The following NEXMIF variants were observed in gnomAD, a reference collection of about 807,000 sequenced individuals.
NEXMIF encodes neurite extension and migration factor, also known as XLMR protein related to neurite extension.
NEXMIF carries 8 observed loss-of-function variants against 62.1 expected under a neutral mutation model. The ratio of observed to expected loss-of-function variants is 0.13; its 90% CI spans 0.08 to 0.23. The LOEUF is 0.23. Ranked by LOEUF, NEXMIF falls within the 10% of genes least tolerant of loss-of-function variation. The pLI is 1.00. For missense variants in NEXMIF, 976 were observed against 1,113.3 expected, an observed-to-expected ratio of 0.88 and a Z score of 1.75; for synonymous variants, 404 against 416.6, an observed-to-expected ratio of 0.97 and a Z score of 0.37.
rs879176331 is a variant in NEXMIF, at chrX:74,739,511, C to T, written c.4458-13G>A. 4 of 1,128,983 alleles carry T rather than the reference C, an allele frequency of 3.5e-6. No individual in the cohort carries two copies. Among genetic ancestry groups the T allele is most frequent in the Non-Finnish European group, 4.8e-6 (4 of 828,081 alleles). The allele number at this position is 1,128,983 out of a possible 1,213,427, so 93.0% of individuals were successfully genotyped here. ...GTAGTCGGAATCCCTGCAGAAAAAT[C>T]AAACAATTTATGCCATCTGAGTTAG... On this transcript the variant is annotated splice_polypyrimidine_tract_variant and intron_variant, in intron 3 of 3. Coordinates refer to ENST00000055682, the MANE Select transcript of NEXMIF (RefSeq NM_001008537.3).
chrX:74,882,000 C>A (rs936958690), intron 1 of NEXMIF, among the ~76,000 whole-genome samples: 1 of 111,372 alleles, frequency 9.0e-6, no homozygotes, highest in Non-Finnish European at 1.9e-5. Flanking sequence ...ACAAAGTGAC[C>A]CAGTTGGGCC....
chrX:74,811,285 G>A (rs5981699), intron 1 of NEXMIF, among the ~76,000 whole-genome samples: 1,153 of 111,689 alleles, frequency 0.01, 14 homozygotes, highest in African/African-American at 0.036. Flanking sequence ...GGCTTACATT[G>A]TCTACCTTCC....
chrX:74,789,815 T>C (rs1484524240), intron 1 of NEXMIF, among the ~76,000 whole-genome samples: 2 of 108,330 alleles, frequency 1.8e-5, no homozygotes, highest in Non-Finnish European at 1.9e-5. Flanking sequence ...CACTTTTTGA[T>C]GGGGTTGTTT....
intron 1 of NEXMIF, among the ~76,000 whole-genome samples, chrX:74,824,389 T>C (rs986131379): frequency 1.8e-5 from 2 of 111,910 alleles, no homozygotes; most frequent in African/African-American, 6.5e-5. Flanking sequence ...TGTGCCTGGC[T>C]TCTTTCACTT....
At chrX:74,814,290 T>C (rs1415819762) in intron 1 of NEXMIF, among the ~76,000 whole-genome samples, 2 of 111,681 alleles carry the variant, frequency 1.8e-5, no homozygotes, top group African/African-American at 6.5e-5. Flanking sequence ...TAAAGATAAG[T>C]GTATGTTTCT....
chrX:74,896,370 T>C (rs1257567374), intron 1 of NEXMIF, among the ~76,000 whole-genome samples: 1 of 111,073 alleles, frequency 9.0e-6, no homozygotes, highest in African/African-American at 3.3e-5. Context: ...CTCTGGCCAG[T>C]AGGTAATGCC....
At chrX:74,750,049 A>T (rs2080137192) in intron 1 of NEXMIF, among the ~76,000 whole-genome samples, 1 of 111,579 alleles carries the variant, frequency 9.0e-6, no homozygotes, top group African/African-American at 3.3e-5. Context: ...AAGGGTTTTG[A>T]GTAGTGAAGA....
intron 1 of NEXMIF, among the ~76,000 whole-genome samples, chrX:74,839,214 G>A (rs1184190211): frequency 9.0e-6 from 1 of 111,299 alleles, no homozygotes; most frequent in African/African-American, 3.3e-5. Context: ...GGTGGAAAAA[G>A]GGTGGGAATC....
At chrX:74,825,729 A>G (rs1039808346) in intron 1 of NEXMIF, among the ~76,000 whole-genome samples, 2 of 111,556 alleles carry the variant, frequency 1.8e-5, no homozygotes, top group Non-Finnish European at 3.8e-5. Context: ...TAATTTTTGT[A>G]TTTTTAGTAG....
chrX:74,773,436 T>C (rs1271785352), intron 1 of NEXMIF, among the ~76,000 whole-genome samples: 3 of 111,137 alleles, frequency 2.7e-5, no homozygotes, highest in Non-Finnish European at 5.7e-5. Flanking sequence ...ACAAAGCTCA[T>C]GGTCCTGCTA....
chrX:74,773,779 G>A (rs2080218819), intron 1 of NEXMIF, among the ~76,000 whole-genome samples: 2 of 107,226 alleles, frequency 1.9e-5, no homozygotes, highest in Admixed American at 2.0e-4. Context: ...CATAGTGGCG[G>A]GCGCCTGTAA....
At chrX:74,760,324 C>T (rs1045636914) in intron 1 of NEXMIF, among the ~76,000 whole-genome samples, 17 of 111,657 alleles carry the variant, frequency 1.5e-4, no homozygotes, top group African/African-American at 5.5e-4. Context: ...CACAGAATCA[C>T]GTCACTTGCA....
intron 1 of NEXMIF, among the ~76,000 whole-genome samples, chrX:74,804,031 G>A (rs1019932952): frequency 4.5e-5 from 5 of 112,011 alleles, no homozygotes; most frequent in Non-Finnish European, 9.4e-5. Context: ...AACTGTAATT[G>A]TGGTGTGTAA....
In NEXMIF at chrX:74,877,798, C is replaced by T. The variant is rs752434380; in HGVS notation, c.-48+47085G>A. On this transcript the variant is annotated intron_variant, in intron 1 of 3. Transcript: ENST00000055682. ...TTGATCGCATCGGCTCCTGAGGCTT[C>T]TGCATTCTTCACGTAGTTCTCGAGC... Among the ~76,000 whole-genome samples the T allele has an allele frequency of 1.3e-4, 15 of 112,117 alleles. No individual in the cohort carries two copies. In the East Asian group the frequency reaches 1.7e-3, roughly 13 times the overall value.
At chrX:74,784,668 A>C (rs1238091789) in intron 1 of NEXMIF, among the ~76,000 whole-genome samples, 1 of 110,723 alleles carries the variant, frequency 9.0e-6, no homozygotes, top group Non-Finnish European at 1.9e-5. Flanking sequence ...TGTGAAAGAA[A>C]GAGTTAACCC....
chrX:74,846,625 C>A, intron 1 of NEXMIF, among the ~76,000 whole-genome samples: 1 of 111,871 alleles, frequency 8.9e-6, no homozygotes, highest in Non-Finnish European at 1.9e-5. Context: ...ACGATTGAAG[C>A]TTTGTCATAT....
intron 1 of NEXMIF, among the ~76,000 whole-genome samples, chrX:74,814,507 CAT>C (rs1420125636): frequency 8.9e-6 from 1 of 111,784 alleles, no homozygotes; most frequent in Non-Finnish European, 1.9e-5. Context: ...ACACTCAAAA[CAT>C]GTGCCAGGTC....
intron 1 of NEXMIF, among the ~76,000 whole-genome samples, chrX:74,792,050 CT>C (rs1246522298): frequency 5.6e-4 from 61 of 108,770 alleles, no homozygotes; most frequent in African/African-American, 1.8e-3. Context: ...TTTTCTAGTT[CT>C]TTTAATTGTG....
intron 1 of NEXMIF, among the ~76,000 whole-genome samples, chrX:74,856,177 G>T (rs2080534272): frequency 8.9e-6 from 1 of 111,833 alleles, no homozygotes; most frequent in South Asian, 3.7e-4. Context: ...CATGTCTAAA[G>T]AACTAAAGTA....
Sources: allele counts gnomAD v4.1 joint callset (sites outside exome capture counted in the v4.1 genomes callset), GRCh38; gene constraint gnomAD v4.1.1; transcripts MANE v1.5; gene names NCBI Gene and HGNC (gene_info 2026-07-23, HGNC 2026-07-21).